PREX2: variants seen among roughly 807,000 people sequenced by gnomAD.
PREX2 encodes phosphatidylinositol 3,4,5-trisphosphate-dependent Rac exchanger 2 protein.
In PREX2, 107 loss-of-function variants were observed where a neutral mutation model predicts 203.2. That is an observed-to-expected ratio of 0.53 (90% CI 0.45 to 0.62). The LOEUF is 0.62. PREX2 is among the 20% of genes least tolerant of loss of function. The pLI, the probability that PREX2 is intolerant of heterozygous loss-of-function variation, is 0.00. For synonymous variants in PREX2, 672 were observed against 663.6 expected (o/e 1.01, Z -0.19); for missense variants, 1,777 against 1,955.9 (o/e 0.91, Z 1.72).
intron 35 of PREX2, among the ~76,000 whole-genome samples, chr8:68,183,891 T>C (rs905699072): frequency 6.6e-6 from 1 of 152,126 alleles, no homozygotes; most frequent in Non-Finnish European, 1.5e-5. Flanking sequence ...TTTATTGTCT[T>C]GTCTTGTTAA....
chr8:67,972,437 A>G (rs574669499), intron 1 of PREX2, among the ~76,000 whole-genome samples: 49 of 152,342 alleles, frequency 3.2e-4, no homozygotes, highest in African/African-American at 1.1e-3. Flanking sequence ...TTCCCTGACT[A>G]CATCGTTGTA....
At chr8:68,125,600 C>T (rs566453819) in intron 30 of PREX2, among the ~76,000 whole-genome samples, 1 of 152,092 alleles carries the variant, frequency 6.6e-6, no homozygotes, top group Non-Finnish European at 1.5e-5. Flanking sequence ...ATGCCTATCT[C>T]CTGCTTAACC....
chr8:68,157,710 C>T (rs1811568830), intron 35 of PREX2, among the ~76,000 whole-genome samples: 1 of 151,848 alleles, frequency 6.6e-6, no homozygotes, highest in South Asian at 2.1e-4. Context: ...TAGACCGTTT[C>T]CAAGAAAGAA....
chr8:68,099,818 G>T lies in PREX2; in HGVS notation c.2690G>T (p.Cys897Phe). The T allele has an allele frequency of 6.2e-7, 1 of 1,611,752 alleles. No individual in the cohort carries two copies. The highest frequency in any genetic ancestry group is 8.5e-7 in the Non-Finnish European group (1 of 1,178,034). ...TGCAGTGAAAGAATTGAACACCTAT[G>T]TCAGAGAATATCCAGTTATAAAAAG... ...ALCSERIEHL[C>F]QRISSYKKFS... is the part of the protein sequence containing the mutation. The change falls in exon 23 of 40, where the codon TGT (cysteine) becomes TTT (phenylalanine). Residue 897 changes from cysteine to phenylalanine, a missense_variant. Physicochemically the swap from Cys to Phe is radical, Grantham distance 205. Coordinates refer to ENST00000288368, the MANE Select transcript of PREX2 (RefSeq NM_024870.4).
intron 1 of PREX2, among the ~76,000 whole-genome samples, chr8:67,974,250 C>T (rs1350571037): frequency 1.3e-5 from 2 of 151,888 alleles, no homozygotes; most frequent in Non-Finnish European, 2.9e-5. Context: ...CCTTGGTGTA[C>T]TACTTTGGAC....
chr8:68,069,863 G>A lies in PREX2; in HGVS notation c.1472G>A (p.Ser491Asn). ...GTAAGATTATATTGTCGTCTTCATAGCCTTTTTACTCCAGTGATAAGGTGA... is the reference window on the plus strand; with the variant it reads ...GTAAGATTATATTGTCGTCTTCATAACCTTTTTACTCCAGTGATAAGGTGA... The part of the protein sequence containing the change: ...KGVRLYCRLH[S>N]LFTPVIRDKD... The change falls in exon 13 of 40, where the codon AGC becomes AAC. Residue 491 changes from serine to asparagine, a missense_variant. By Grantham distance (46) the Ser-to-Asn change is conservative. Coordinates refer to ENST00000288368, the MANE Select transcript of PREX2 (RefSeq NM_024870.4). 1 of 1,555,754 alleles carries A rather than the reference G, an allele frequency of 6.4e-7. No individual in the cohort carries two copies. Among genetic ancestry groups the A allele is most frequent in the South Asian group, 1.2e-5 (1 of 85,948 alleles).
intron 1 of PREX2, among the ~76,000 whole-genome samples, chr8:68,001,094 C>G (rs1412756096): frequency 2.6e-5 from 4 of 152,088 alleles, no homozygotes; most frequent in African/African-American, 9.7e-5. Context: ...CAAAAATTGA[C>G]AAATAGGATG....
In PREX2 at chr8:68,083,259, G is replaced by A; in HGVS notation, c.1898G>A (p.Gly633Glu). 6.3e-7 allele frequency: 1 copy of A among 1,594,536 alleles called. No homozygotes were observed. The highest frequency in any genetic ancestry group is 8.6e-7 in the Non-Finnish European group (1 of 1,166,736). The change falls in exon 18 of 40, where the codon GGG becomes GAG. Residue 633 changes from glycine to glutamate, a missense_variant. Physicochemically the swap from Gly to Glu is moderately conservative, Grantham distance 98. Coordinates refer to ENST00000288368, the MANE Select transcript of PREX2 (RefSeq NM_024870.4). ...TCTTAGATGGCTGGCATGGAAGTCG[G>A]GAAAAAGATTTTTGCTATTAATGGT... is the stretch of plus-strand genomic sequence containing the variant. ...SNAEMAGMEV[G>E]KKIFAINGDL...
chr8:68,012,961 C>T (rs891541947), intron 1 of PREX2, among the ~76,000 whole-genome samples: 1 of 152,184 alleles, frequency 6.6e-6, no homozygotes, highest in Non-Finnish European at 1.5e-5. Flanking sequence ...TATGTGCTAT[C>T]CTATATTCCA....
At chr8:68,058,462 C>G (rs1177524523) in intron 10 of PREX2, among the ~76,000 whole-genome samples, 1 of 150,994 alleles carries the variant, frequency 6.6e-6, no homozygotes, top group East Asian at 1.9e-4. Flanking sequence ...GAGATGGAGT[C>G]TCACTCTGTC....
intron 35 of PREX2, among the ~76,000 whole-genome samples, chr8:68,165,167 C>T (rs1811736654): frequency 2.0e-5 from 3 of 152,008 alleles, no homozygotes; most frequent in African/African-American, 7.2e-5. Context: ...GGAGTGCTGC[C>T]TCAGCTCATT....
intron 33 of PREX2, among the ~76,000 whole-genome samples, chr8:68,142,277 C>A (rs925625029): frequency 2.0e-5 from 3 of 152,102 alleles, no homozygotes; most frequent in African/African-American, 7.2e-5. Flanking sequence ...ATATGGATTG[C>A]CTGTTCATTC....
chr8:68,164,894 T>TTTTC (rs1428930000), intron 35 of PREX2, among the ~76,000 whole-genome samples: 1 of 150,826 alleles, frequency 6.6e-6, no homozygotes, highest in Non-Finnish European at 1.5e-5. Flanking sequence ...ACCTTTTTTT[T>TTTTC]TTTTTTTTTA....
At chr8:67,998,007 T>C (rs1458264164) in intron 1 of PREX2, among the ~76,000 whole-genome samples, 3 of 152,178 alleles carry the variant, frequency 2.0e-5, no homozygotes, top group African/African-American at 4.8e-5. Flanking sequence ...CTTCAAATGT[T>C]TGAATGAGGG....
At chr8:68,098,122 G>A (rs1810140544) in intron 22 of PREX2, among the ~76,000 whole-genome samples, 2 of 152,144 alleles carry the variant, frequency 1.3e-5, no homozygotes, top group Admixed American at 6.5e-5. Context: ...GCTTTTCATG[G>A]CCTGCCTACA....
chr8:68,224,442 A>T (rs1813016600), intron 38 of PREX2, 117 bp from the exon 39 acceptor site: 4 of 761,784 alleles, frequency 5.3e-6, no homozygotes, highest in Non-Finnish European at 9.0e-6. Context: ...TCTCTTAGCT[A>T]ATCTCCCTTG....
intron 38 of PREX2, among the ~76,000 whole-genome samples, chr8:68,219,533 AT>A (rs1812912715): frequency 6.6e-6 from 1 of 152,098 alleles, no homozygotes; most frequent in South Asian, 2.1e-4. Context: ...CTTCCCCCGA[AT>A]TTTTTTAAAA....
chr8:68,209,752 A>G (rs1261947007), intron 37 of PREX2, among the ~76,000 whole-genome samples: 1 of 152,250 alleles, frequency 6.6e-6, no homozygotes, highest in African/African-American at 2.4e-5. Context: ...TATTTAGTAC[A>G]AAATCAAACT....
At chr8:68,210,491 C>T (rs1308738419) in intron 37 of PREX2, among the ~76,000 whole-genome samples, 1 of 152,148 alleles carries the variant, frequency 6.6e-6, no homozygotes, top group East Asian at 1.9e-4. Context: ...TGAGAGCTAG[C>T]AAATAAATCC....
Sources: gnomAD v4.1 joint callset for allele counts (sites outside exome capture counted in the v4.1 genomes callset) on GRCh38, gnomAD v4.1.1 for gene constraint, MANE v1.5 for transcripts, NCBI Gene and HGNC (gene_info 2026-07-23, HGNC 2026-07-21) for gene names.